Variants in TRPM8 observed in about 807,000 individuals in gnomAD.
TRPM8 encodes the protein TRPM8 cationic channel.
Under a neutral mutation model 133.7 loss-of-function variants are expected in TRPM8, and 110 were observed. The ratio of observed to expected loss-of-function variants is 0.82; its 90% confidence interval spans 0.70 to 0.96. TRPM8 has a LOEUF of 0.96. Among genes scored for constraint, TRPM8 ranks in the 40% least tolerant of loss-of-function variants. The pLI is 0.00. For synonymous variants in TRPM8, 535 were observed against 532.3 expected (o/e 1.01, Z -0.07); for missense variants, 1,291 against 1,379.5 (o/e 0.94, Z 1.02).
chr2:233,927,091 G>T (rs758126441), intron 2 of TRPM8, among the ~76,000 whole-genome samples: 1 of 152,068 alleles, frequency 6.6e-6, no homozygotes, highest in Admixed American at 6.5e-5. Context: ...CCTCCTGCAG[G>T]TTTTCCACCC....
chr2:233,970,623 CA>C lies in TRPM8; in HGVS notation c.2355+199del. The C allele has an allele frequency of 5.0e-6, 3 of 597,126 alleles. No homozygotes were observed. The South Asian group carries it at 6.0e-5, about 12-fold the overall frequency. 37.0% of individuals were successfully genotyped at this position (597,126 alleles called of 1,614,324 possible). Reference sequence around the variant, plus strand: ...GTAATTCAGTAAGGTCTCCTAGTACCAAGTTTATTCTTTGCTCTCTAATGAA... The same window carrying C: ...GTAATTCAGTAAGGTCTCCTAGTACCAGTTTATTCTTTGCTCTCTAATGAA... On this transcript the variant is annotated intron_variant, in intron 17 of 25. Transcript: ENST00000324695.
chr2:233,940,079 G>A (rs539649145), intron 5 of TRPM8, among the ~76,000 whole-genome samples: 1 of 146,772 alleles, frequency 6.8e-6, no homozygotes, highest in African/African-American at 2.5e-5. Flanking sequence ...ATTTGGAACT[G>A]GTTCTTAGCC....
intron 24 of TRPM8, among the ~76,000 whole-genome samples, chr2:234,010,354 G>A (rs1692806122): frequency 6.6e-6 from 1 of 152,166 alleles, no homozygotes; most frequent in Non-Finnish European, 1.5e-5. Context: ...TTATAGGTAT[G>A]TACCACATTT....
At position 233,988,866 on chromosome 2, in the gene TRPM8, A is replaced by C. The variant is rs529642895; in HGVS notation, c.2939+3001A>C. Among the ~76,000 whole-genome samples, 186 of 152,290 alleles carry C rather than the reference A, an allele frequency of 1.2e-3. 2 individuals are homozygous for C. In the Middle Eastern group the frequency reaches 0.014, roughly 11 times the overall value. ...GAGAAGCAGCAGGTTATGGGTGATT[A>C]TGTCTCCACAAGAGAGGGAGCAAAA... On this transcript the variant is annotated intron_variant, in intron 21 of 25. Coordinates refer to ENST00000324695, the MANE Select transcript of TRPM8 (RefSeq NM_024080.5).
intron 11 of TRPM8, among the ~76,000 whole-genome samples, chr2:233,959,868 G>T (rs1043201979): frequency 2.6e-5 from 4 of 151,798 alleles, no homozygotes; most frequent in Non-Finnish European, 5.9e-5. Flanking sequence ...TGCAACTTCT[G>T]CCTCCTGGGT....
chr2:233,927,774 CTTTCTTTCTTTCT>C (rs1403455780), intron 2 of TRPM8, among the ~76,000 whole-genome samples: 29 of 56,616 alleles, frequency 5.1e-4, no homozygotes, highest in Non-Finnish European at 7.1e-4. Context: ...TTCTTTCTTT[CTTTCTTTCTTTCT>C]TTCTTTTCTT....
chr2:233,996,187 T>G, intron 21 of TRPM8, 139 bp from the exon 22 acceptor site: 1 of 613,786 alleles, frequency 1.6e-6, no homozygotes, highest in Non-Finnish European at 2.6e-6. Context: ...TTTTGGCTCG[T>G]GTATCACTCT....
chr2:233,971,810 G>A (rs1220306976), intron 17 of TRPM8, among the ~76,000 whole-genome samples: 4 of 152,086 alleles, frequency 2.6e-5, no homozygotes, highest in African/African-American at 9.7e-5. Context: ...ATTGCATAGA[G>A]CGAAAGAACA....
chr2:233,942,529 CTT>C, intron 5 of TRPM8, 45 bp from the exon 6 acceptor site: 1 of 1,606,836 alleles, frequency 6.2e-7, no homozygotes, highest in Non-Finnish European at 8.5e-7. Context: ...AGAATGGAAA[CTT>C]TGCCCAGTGC....
chr2:233,947,345 GA>G, intron 8 of TRPM8, 190 bp downstream of exon 8: 1 of 1,538,664 alleles, frequency 6.5e-7, no homozygotes, highest in Middle Eastern at 1.7e-4. Flanking sequence ...TTTGGGAGGA[GA>G]ATTTCAGTGA....
rs148846269 is a variant in TRPM8 at position 233,970,371 on chromosome 2, C to G, written c.2300C>G (p.Pro767Arg). 249 of 1,614,142 alleles carry G rather than the reference C, an allele frequency of 1.5e-4. 1 individual carries two copies. In the East Asian group the frequency reaches 5.0e-3, roughly 33 times the overall value. The change falls in exon 17 of 26, where the codon CCC becomes CGC. Residue 767 changes from proline (P) to arginine (R), a missense_variant. Physicochemically the swap from Pro to Arg is moderately radical, Grantham distance 103. This residue lies in a region of TRPM8 where 963 missense variants were observed against 968.9 expected (regional missense o/e 0.99). Transcript: ENST00000324695. ...GATTTCCATTCGGTGCCACACCCCC[C>G]CGAGCTGGTCCTGTACTCGCTGGTC... ...LMDFHSVPHP[P>R]ELVLYSLVFV...
intron 24 of TRPM8, among the ~76,000 whole-genome samples, chr2:234,011,164 A>G (rs1449397411): frequency 6.6e-6 from 1 of 152,208 alleles, no homozygotes; most frequent in Non-Finnish European, 1.5e-5. Context: ...AGTCTGAGAT[A>G]GGGGTCCAAT....
chr2:233,997,196 C>T (rs1322316793), intron 22 of TRPM8, among the ~76,000 whole-genome samples: 1 of 152,098 alleles, frequency 6.6e-6, no homozygotes, highest in East Asian at 1.9e-4. Context: ...ATTGCTTGAA[C>T]CCAGGAGGTG....
Position 233,942,706 on chromosome 2 carries a change from G to A in TRPM8, c.657G>A (p.Met219Ile), listed in dbSNP as rs1690940433. The change falls in exon 6 of 26, where the codon ATG (methionine) becomes ATA (isoleucine). Residue 219 changes from methionine to isoleucine, a missense_variant. Met to Ile is a conservative substitution (Grantham distance 10, BLOSUM62 1). Around this residue, in one of 2 missense-constraint regions of TRPM8, gnomAD observed 963 missense variants for 968.9 expected, o/e 0.99. Transcript: ENST00000324695. ...IVAIGIAAWG[M>I]VSNRDTLIRN... Reference sequence around the variant, plus strand: ...CCATTGGCATAGCAGCTTGGGGCATGGTCTCCAACCGGGACACCCTCATCA... The same window carrying A: ...CCATTGGCATAGCAGCTTGGGGCATAGTCTCCAACCGGGACACCCTCATCA... 1 of 1,614,054 alleles carries A rather than the reference G, an allele frequency of 6.2e-7. No individual in the cohort carries two copies.
chr2:233,946,991 A>T, intron 7 of TRPM8, 97 bp from the exon 8 acceptor site: 1 of 1,054,492 alleles, frequency 9.5e-7, no homozygotes, highest in Non-Finnish European at 1.4e-6. Context: ...TCCACACCCT[A>T]GGCTCACAGG....
intron 22 of TRPM8, among the ~76,000 whole-genome samples, chr2:234,000,472 A>G (rs912916285): frequency 1.3e-5 from 2 of 152,192 alleles, no homozygotes; most frequent in Non-Finnish European, 2.9e-5. Flanking sequence ...GCAATTTGGC[A>G]TTGAAAAGGC....
chr2:233,937,517 A>G lies in TRPM8; in HGVS notation c.348+8A>G, dbSNP rs1324126115. 2 of 1,610,090 alleles carry G rather than the reference A, an allele frequency of 1.2e-6. No homozygotes were observed. Among genetic ancestry groups the G allele is most frequent in the East Asian group, 4.5e-5 (2 of 44,810 alleles). ...CTGGGGAAGAAAGGGAAGGTAAGCA[A>G]TGGTTTTCTACTTTGGCAGCTAATT... On this transcript the variant is annotated splice_region_variant and intron_variant, in intron 4 of 25. Coordinates refer to ENST00000324695, the MANE Select transcript of TRPM8 (RefSeq NM_024080.5).
At chr2:233,964,506 C>T (rs1421779276) in intron 13 of TRPM8, 122 bp from the exon 14 acceptor site, 10 of 830,112 alleles carry the variant, frequency 1.2e-5, no homozygotes, top group Admixed American at 4.6e-5. Flanking sequence ...GAGCCAAGAT[C>T]GTGCCACAGC....
intron 17 of TRPM8, 75 bp from the exon 18 acceptor site, chr2:233,980,113 T>C: frequency 1.0e-6 from 1 of 991,724 alleles, no homozygotes; most frequent in Non-Finnish European, 1.5e-6. Context: ...AGAAAATGAG[T>C]GGACATTTAA....
Sources: allele counts gnomAD v4.1 joint callset (sites outside exome capture counted in the v4.1 genomes callset), GRCh38; gene constraint gnomAD v4.1.1; regional missense constraint gnomAD v4.1.1; transcripts MANE v1.5; gene names NCBI Gene and HGNC (gene_info 2026-07-23, HGNC 2026-07-21).